The following CACNA2D3 variants were observed in gnomAD, a reference collection of about 807,000 sequenced individuals.
CACNA2D3 encodes the protein voltage-dependent calcium channel subunit alpha-2/delta-3.
CACNA2D3 carries 60 observed loss-of-function variants against 160.6 expected under a neutral mutation model. The observed-to-expected ratio is 0.37, with a 90% CI of 0.30 to 0.46. The LOEUF (loss-of-function observed/expected upper bound fraction) is 0.46. Ranked by LOEUF, CACNA2D3 falls within the 20% of genes least tolerant of loss-of-function variation. The pLI, the probability that CACNA2D3 is intolerant of heterozygous loss-of-function variation, is 1.00. For missense variants in CACNA2D3, 1,205 were observed against 1,365.0 expected (o/e 0.88, Z 1.85); for synonymous variants, 558 against 492.9 (o/e 1.13, Z -1.75).
intron 35 of CACNA2D3, among the ~76,000 whole-genome samples, chr3:55,052,227 A>G (rs1704241699): frequency 6.6e-6 from 1 of 152,082 alleles, no homozygotes; most frequent in Non-Finnish European, 1.5e-5. Context: ...ATTTGAAAAT[A>G]TTTGAGGGTT....
Position 54,965,819 on chromosome 3 carries a change from G to A in CACNA2D3, c.2450-2631G>A, listed in dbSNP as rs145837700. On this transcript the variant is annotated intron_variant, in intron 27 of 37. Transcript: ENST00000474759. Reference sequence around the variant, plus strand: ...CAATTGCAGCCAGGACTATCCAGGAGCCTTTGGGCAACAACCTCATGGTGC... The same window carrying A: ...CAATTGCAGCCAGGACTATCCAGGAACCTTTGGGCAACAACCTCATGGTGC... Among the ~76,000 whole-genome samples the A allele has an allele frequency of 9.8e-5, 15 of 152,288 alleles. No homozygotes were observed. In the East Asian group the frequency reaches 2.7e-3, roughly 28 times the overall value.
intron 29 of CACNA2D3, among the ~76,000 whole-genome samples, chr3:54,975,658 C>T (rs1007547953): frequency 3.9e-5 from 6 of 152,152 alleles, no homozygotes; most frequent in African/African-American, 1.4e-4. Context: ...GGATGTAGAG[C>T]AATCTTACCA....
chr3:54,989,397 TG>T (rs1184485627), intron 31 of CACNA2D3, among the ~76,000 whole-genome samples: 1 of 152,100 alleles, frequency 6.6e-6, no homozygotes, highest in Non-Finnish European at 1.5e-5. Context: ...CCAACATATT[TG>T]AGAAAAAGGA....
Position 54,262,183 on chromosome 3 carries a change from GT to G in CACNA2D3, c.205-58258del, listed in dbSNP as rs1219025819. 1.4e-4 allele frequency among the ~76,000 whole-genome samples: 22 copies of G among 152,306 alleles called. No homozygotes were observed. The East Asian group carries it at 2.3e-3, about 16-fold the overall frequency. On this transcript the variant is annotated intron_variant, in intron 2 of 37. Transcript: ENST00000474759. ...GCAAGGATGGGTAGATTTTGCTGAT[GT>G]GTTTGCTTTGGCGGCAGGGCTTGGT...
At chr3:54,912,307 C>T (rs925110373) in intron 27 of CACNA2D3, among the ~76,000 whole-genome samples, 6 of 152,094 alleles carry the variant, frequency 3.9e-5, no homozygotes, top group Admixed American at 2.6e-4. Context: ...GTCACTAGGT[C>T]CAGCCCACAG....
intron 4 of CACNA2D3, among the ~76,000 whole-genome samples, chr3:54,482,096 G>A (rs1217071591): frequency 6.6e-6 from 1 of 152,128 alleles, no homozygotes; most frequent in Admixed American, 6.6e-5. Flanking sequence ...GCTATATTTG[G>A]TAACTCTCTA....
intron 11 of CACNA2D3, among the ~76,000 whole-genome samples, chr3:54,664,433 G>A (rs1040763822): frequency 1.5e-4 from 23 of 152,152 alleles, no homozygotes; most frequent in Non-Finnish European, 2.9e-4. Flanking sequence ...CCCTATTTTG[G>A]CTGCTTGGCA....
chr3:54,921,238 C>T (rs960303354), intron 27 of CACNA2D3, among the ~76,000 whole-genome samples: 53 of 152,264 alleles, frequency 3.5e-4, no homozygotes, highest in African/African-American at 1.3e-3. Context: ...CTGAACATTA[C>T]GTAGCTGTGC....
At chr3:54,437,590 A>G (rs1246123725) in intron 4 of CACNA2D3, among the ~76,000 whole-genome samples, 1 of 152,158 alleles carries the variant, frequency 6.6e-6, no homozygotes, top group Non-Finnish European at 1.5e-5. Context: ...AGGGGTGCCG[A>G]TATTGCCAGT....
chr3:54,746,889 A>C (rs1701761732), intron 11 of CACNA2D3, among the ~76,000 whole-genome samples: 1 of 152,166 alleles, frequency 6.6e-6, no homozygotes, highest in African/African-American at 2.4e-5. Flanking sequence ...TTGGGGAAAG[A>C]GGAAAGTATA....
At chr3:55,042,781 T>G (rs1703983630) in intron 35 of CACNA2D3, among the ~76,000 whole-genome samples, 1 of 152,094 alleles carries the variant, frequency 6.6e-6, no homozygotes, top group Admixed American at 6.6e-5. Flanking sequence ...TGGAGGTCAG[T>G]CTATTCCCAG....
intron 2 of CACNA2D3, among the ~76,000 whole-genome samples, chr3:54,143,593 G>A (rs1211040279): frequency 1.3e-5 from 2 of 152,084 alleles, no homozygotes; most frequent in African/African-American, 2.4e-5. Context: ...TCTGACTCCC[G>A]GGTTCACACC....
At chr3:54,805,820 T>G (rs1263755054) in intron 13 of CACNA2D3, among the ~76,000 whole-genome samples, 1 of 152,134 alleles carries the variant, frequency 6.6e-6, no homozygotes, top group South Asian at 2.1e-4. Context: ...ACTGGCAAAC[T>G]GAATCCAGCA....
intron 3 of CACNA2D3, among the ~76,000 whole-genome samples, chr3:54,341,211 G>A (rs1313282943): frequency 6.6e-6 from 1 of 152,180 alleles, no homozygotes; most frequent in Non-Finnish European, 1.5e-5. Context: ...AAGAAGTCCG[G>A]GTGAAAATGC....
chr3:54,383,135 C>A (rs986489321), intron 3 of CACNA2D3, among the ~76,000 whole-genome samples: 1 of 152,086 alleles, frequency 6.6e-6, no homozygotes, highest in Admixed American at 6.5e-5. Context: ...CCACACCCAG[C>A]CTGTTTTAGG....
intron 2 of CACNA2D3, among the ~76,000 whole-genome samples, chr3:54,210,841 G>A (rs1701359271): frequency 6.6e-6 from 1 of 152,170 alleles, no homozygotes; most frequent in Non-Finnish European, 1.5e-5. Flanking sequence ...GTGAGTTCTG[G>A]TAGTCCTTGG....
chr3:54,447,975 A>G (rs983244297), intron 4 of CACNA2D3, among the ~76,000 whole-genome samples: 1 of 152,116 alleles, frequency 6.6e-6, no homozygotes, highest in Non-Finnish European at 1.5e-5. Flanking sequence ...GTGACAGAAA[A>G]CTCCACACAA....
intron 11 of CACNA2D3, among the ~76,000 whole-genome samples, chr3:54,721,379 A>C (rs1701166281): frequency 6.6e-6 from 1 of 152,170 alleles, no homozygotes; most frequent in South Asian, 2.1e-4. Flanking sequence ...AATGTGTCTG[A>C]AAATATTTTA....
At chr3:54,714,161 G>T (rs1380782772) in intron 11 of CACNA2D3, among the ~76,000 whole-genome samples, 1 of 152,112 alleles carries the variant, frequency 6.6e-6, no homozygotes, top group Non-Finnish European at 1.5e-5. Flanking sequence ...TAAAGATAAA[G>T]ACAAAGATGA....
Sources: gnomAD v4.1 joint callset for allele counts (sites outside exome capture counted in the v4.1 genomes callset) on GRCh38, gnomAD v4.1.1 for gene constraint, MANE v1.5 for transcripts, NCBI Gene and HGNC (gene_info 2026-07-23, HGNC 2026-07-21) for gene names.